The following CDH11 variants were observed in gnomAD, a reference collection of about 807,000 sequenced individuals.
CDH11 encodes the protein cadherin-11.
CDH11 carries 11 observed loss-of-function variants against 67.8 expected under a neutral mutation model. That is an observed-to-expected ratio of 0.16 (90% CI 0.10 to 0.27). CDH11 has a LOEUF of 0.27. Ranked by LOEUF, CDH11 falls within the 10% of genes least tolerant of loss-of-function variation. CDH11 has a pLI of 1.00. For missense variants in CDH11, 847 were observed against 1,031.2 expected, an observed-to-expected ratio of 0.82 and a Z score of 2.45; for synonymous variants, 419 against 400.0, an observed-to-expected ratio of 1.05 and a Z score of -0.57.
chr16:64,993,349 C>T (rs1451719235), intron 4 of CDH11, among the ~76,000 whole-genome samples: 1 of 152,000 alleles, frequency 6.6e-6, no homozygotes, highest in African/African-American at 2.4e-5. Context: ...TATCTTACAA[C>T]TCATGCACTT....
rs1371754343 is a variant in CDH11, at chr16:64,944,321, A to G, written c.*3282T>C. On this transcript the variant is annotated 3_prime_UTR_variant, in exon 13 of 13. Coordinates refer to ENST00000268603, the MANE Select transcript of CDH11 (RefSeq NM_001797.4). The stretch of plus-strand genomic sequence containing the variant: ...CCATGGCCCAGACCAGGCTGATGGC[A>G]GTGCAAGAGCAGAGAAGTCTTTCCT... 1 of 232,878 alleles carries G rather than the reference A, an allele frequency of 4.3e-6. No individual in the cohort carries two copies. The highest frequency in any genetic ancestry group is 5.6e-5 in the Admixed American group (1 of 17,796). The allele number at this position is 232,878 out of a possible 1,614,324, so 14.4% of individuals were successfully genotyped here.
At chr16:65,006,203 C>A (rs2073050862) in intron 2 of CDH11, among the ~76,000 whole-genome samples, 1 of 152,140 alleles carries the variant, frequency 6.6e-6, no homozygotes, top group Non-Finnish European at 1.5e-5. Context: ...GAGTTCACCA[C>A]CAATGTGAGG....
At chr16:65,007,185 TG>T (rs1415814297) in intron 2 of CDH11, 1 of 152,252 alleles carries the variant, frequency 6.6e-6, no homozygotes, top group Non-Finnish European at 1.5e-5. Flanking sequence ...ACTTTGACTT[TG>T]CCATCCCAAG....
At chr16:65,036,500 A>T (rs2073757934) in intron 2 of CDH11, among the ~76,000 whole-genome samples, 1 of 152,152 alleles carries the variant, frequency 6.6e-6, no homozygotes, top group Non-Finnish European at 1.5e-5. Context: ...TCAGGCATTA[A>T]AATGTCCTGA....
intron 11 of CDH11, among the ~76,000 whole-genome samples, chr16:64,951,742 C>T (rs2071367248): frequency 6.6e-6 from 1 of 152,074 alleles, no homozygotes; most frequent in African/African-American, 2.4e-5. Flanking sequence ...ATTCCAAGTC[C>T]ACCTTCAAAC....
At chr16:65,065,652 A>G (rs2074301479) in intron 1 of CDH11, among the ~76,000 whole-genome samples, 1 of 152,202 alleles carries the variant, frequency 6.6e-6, no homozygotes, top group Non-Finnish European at 1.5e-5. Context: ...AAAGATAATT[A>G]TTGGGCTGCT....
At chr16:65,100,983 G>A (rs1396066107) in intron 1 of CDH11, among the ~76,000 whole-genome samples, 1 of 152,130 alleles carries the variant, frequency 6.6e-6, no homozygotes, top group African/African-American at 2.4e-5. Context: ...TCCTAAGATA[G>A]ACATTTAATT....
At chr16:64,970,536 A>C (rs1386909954) in intron 11 of CDH11, among the ~76,000 whole-genome samples, 2 of 152,214 alleles carry the variant, frequency 1.3e-5, no homozygotes, top group Non-Finnish European at 2.9e-5. Context: ...GGTGTTAAGA[A>C]AATTAAGTGG....
chr16:65,104,819 C>T (rs755213690), intron 1 of CDH11, among the ~76,000 whole-genome samples: 2 of 152,072 alleles, frequency 1.3e-5, no homozygotes, highest in Non-Finnish European at 2.9e-5. Flanking sequence ...CACTCTGTGC[C>T]CCATTTGTTC....
At chr16:65,033,680 T>C (rs1365795270) in intron 2 of CDH11, among the ~76,000 whole-genome samples, 4 of 151,874 alleles carry the variant, frequency 2.6e-5, no homozygotes, top group Admixed American at 6.6e-5. Flanking sequence ...GAGGTTGCAG[T>C]GAGCCCAGAT....
chr16:65,001,636 C>A (rs2072921771), intron 3 of CDH11, among the ~76,000 whole-genome samples: 1 of 152,074 alleles, frequency 6.6e-6, no homozygotes, highest in Admixed American at 6.6e-5. Context: ...CATGATCAGC[C>A]AAATAACTAA....
intron 7 of CDH11, 126 bp downstream of exon 7, chr16:64,988,031 A>C: frequency 3.0e-6 from 2 of 670,588 alleles, no homozygotes; most frequent in Non-Finnish European, 5.1e-6. Flanking sequence ...GCTCAACTAC[A>C]AAGTCAGGTC....
chr16:64,989,577 G>A (rs1167494146), intron 6 of CDH11, among the ~76,000 whole-genome samples: 2 of 152,150 alleles, frequency 1.3e-5, no homozygotes, highest in South Asian at 2.1e-4. Context: ...TTGCAGAGGA[G>A]CAAGAGGAGG....
chr16:65,042,970 T>G (rs2073891796), intron 2 of CDH11, among the ~76,000 whole-genome samples: 1 of 152,202 alleles, frequency 6.6e-6, no homozygotes. Flanking sequence ...CAGTGTTTAC[T>G]CTGCAAAGCA....
At chr16:65,052,568 G>T (rs1307609226) in intron 2 of CDH11, among the ~76,000 whole-genome samples, 1 of 152,130 alleles carries the variant, frequency 6.6e-6, no homozygotes, top group Non-Finnish European at 1.5e-5. Flanking sequence ...GCTGAGAGAT[G>T]AATCTGGACA....
chr16:65,122,592 C>A (rs1170068988), upstream of CDH11, among the ~76,000 whole-genome samples: 1 of 152,180 alleles, frequency 6.6e-6, no homozygotes, highest in African/African-American at 2.4e-5. Flanking sequence ...TTTCTCACTC[C>A]ACCACCCCAC....
chr16:65,114,208 CA>C (rs1213127584), intron 1 of CDH11, among the ~76,000 whole-genome samples: 1 of 152,050 alleles, frequency 6.6e-6, no homozygotes, highest in East Asian at 1.9e-4. Context: ...ATTGGGAAAA[CA>C]AAAAACCTAC....
chr16:65,059,907 T>A (rs1166760845), intron 1 of CDH11, among the ~76,000 whole-genome samples: 1 of 152,232 alleles, frequency 6.6e-6, no homozygotes, highest in Admixed American at 6.5e-5. Flanking sequence ...ATCTAGCATA[T>A]GAGCAAACCT....
chr16:64,999,109 C>T (rs534678189), intron 3 of CDH11, among the ~76,000 whole-genome samples: 1 of 152,090 alleles, frequency 6.6e-6, no homozygotes, highest in Non-Finnish European at 1.5e-5. Flanking sequence ...TCTCCTTTCA[C>T]CTCTCTCCAT....
Sources: allele counts gnomAD v4.1 joint callset (sites outside exome capture counted in the v4.1 genomes callset), GRCh38; gene constraint gnomAD v4.1.1; transcripts MANE v1.5; gene names NCBI Gene and HGNC (gene_info 2026-07-23, HGNC 2026-07-21).